The following TRIOBP variants were observed in gnomAD, a reference collection of about 807,000 sequenced individuals.
TRIOBP encodes TRIO and F-actin-binding protein.
Under a neutral mutation model 238.8 loss-of-function variants are expected in TRIOBP, and 169 were observed. The observed-to-expected ratio is 0.71, with a 90% CI of 0.62 to 0.80. The LOEUF is 0.80. Among genes scored for constraint, TRIOBP ranks in the 30% least tolerant of loss-of-function variants. The probability of loss-of-function intolerance (pLI) is 0.00; values close to 1 mark genes in which losing one functional copy is unlikely to be tolerated. For missense variants in TRIOBP, 2,838 were observed against 3,122.6 expected, an observed-to-expected ratio of 0.91 and a Z score of 2.17; for synonymous variants, 1,150 against 1,274.4, an observed-to-expected ratio of 0.90 and a Z score of 2.08.
In TRIOBP at chr22:37,776,170, C is replaced by T. The variant is rs1009726607; in HGVS notation, c.*2390C>T. On this transcript the variant is annotated 3_prime_UTR_variant, in exon 24 of 24. Coordinates refer to ENST00000644935, the MANE Select transcript of TRIOBP (RefSeq NM_001039141.3). The stretch of plus-strand genomic sequence containing the variant: ...CCCTCCCATCCCTCCTCAGGGCTGC[C>T]TAGGGCAGCTACAAAAACCAGGCCA... The T allele has an allele frequency of 1.3e-5, 2 of 152,284 alleles. No individual in the cohort carries two copies. Among genetic ancestry groups the T allele is most frequent in the Non-Finnish European group, 2.9e-5 (2 of 68,104 alleles). 9.4% of individuals were successfully genotyped at this position (152,284 alleles called of 1,614,324 possible). A position where few individuals can be genotyped will look rare whatever the true frequency, so the allele number is the denominator to read the frequency against.
intron 7 of TRIOBP, among the ~76,000 whole-genome samples, chr22:37,732,360 C>T (rs1924465766): frequency 1.3e-5 from 2 of 151,944 alleles, no homozygotes; most frequent in South Asian, 4.2e-4. Context: ...CAACACTTGC[C>T]CAGGGTCAGG....
At chr22:37,744,323 A>G (rs546345144) in intron 11 of TRIOBP, among the ~76,000 whole-genome samples, 3 of 152,206 alleles carry the variant, frequency 2.0e-5, no homozygotes, top group African/African-American at 7.2e-5. Flanking sequence ...AGTGCTGTGC[A>G]TCTCTTTATT....
At chr22:37,765,925 G>A (rs1047074499) in intron 18 of TRIOBP, 108 bp downstream of exon 18, 31 of 1,400,340 alleles carry the variant, frequency 2.2e-5, no homozygotes, top group African/African-American at 1.9e-4. Flanking sequence ...AGGGGTCTCA[G>A]TGCCACATTT....
At chr22:37,765,145 G>T (rs1342430941) in intron 17 of TRIOBP, among the ~76,000 whole-genome samples, 1 of 152,200 alleles carries the variant, frequency 6.6e-6, no homozygotes, top group Non-Finnish European at 1.5e-5. Context: ...GCTGGGCGTG[G>T]TGGTGGGCAC....
At chr22:37,721,353 C>G (rs1923819944) in intron 6 of TRIOBP, among the ~76,000 whole-genome samples, 1 of 152,168 alleles carries the variant, frequency 6.6e-6, no homozygotes, top group Non-Finnish European at 1.5e-5. Flanking sequence ...GCTGGGAACT[C>G]AGACTTTCAC....
rs774177733 is a variant in TRIOBP at position 37,726,446 on chromosome 22, G to A, written c.3890G>A (p.Gly1297Asp). The change falls in exon 7 of 24, where the codon GGC becomes GAC. Residue 1297 changes from glycine (G) to aspartate (D), a missense_variant. By Grantham distance (94) the Gly-to-Asp change is moderately conservative. This residue lies in a region of TRIOBP where 2,096 missense variants were observed against 2,137.4 expected (regional missense o/e 0.98). Transcript: ENST00000644935. ...CCCCAGGCGCAGTGCAGCAGCGGGG[G>A]CCGCACCCACAGCCCTGGCCGTGCA... Reference protein sequence around the residue: ...PGPQAQCSSGGRTHSPGRAEV... With the variant: ...PGPQAQCSSGDRTHSPGRAEV... 14 of 1,572,172 alleles carry A rather than the reference G, an allele frequency of 8.9e-6. No individual in the cohort carries two copies. Among genetic ancestry groups the A allele is most frequent in the South Asian group, 1.1e-5 (1 of 87,298 alleles).
Position 37,725,414 on chromosome 22 carries a change from G to GCAGGC in TRIOBP, c.2862_2866dup (p.Ala956GlyfsTer51). On this transcript the variant is annotated frameshift_variant, in exon 7 of 24. Transcript: ENST00000644935. LOFTEE classifies it high-confidence loss of function. ...GACAGGCCTCAGACATCCTCTCCCA[G>GCAGGC]CAGGCCAGCCCAGCATGACCCACCC... 2 of 1,610,322 alleles carry GCAGGC rather than the reference G, an allele frequency of 1.2e-6. No individual in the cohort carries two copies. Among genetic ancestry groups the GCAGGC allele is most frequent in the Non-Finnish European group, 1.7e-6 (2 of 1,177,690 alleles).
chr22:37,767,383 A>G (rs1926559271), intron 18 of TRIOBP, among the ~76,000 whole-genome samples: 1 of 152,116 alleles, frequency 6.6e-6, no homozygotes. Context: ...GGGTAAAACC[A>G]TGGGTGGCCC....
intron 11 of TRIOBP, among the ~76,000 whole-genome samples, chr22:37,747,371 C>T (rs1464924689): frequency 6.6e-6 from 1 of 151,554 alleles, no homozygotes; most frequent in Admixed American, 6.6e-5. Flanking sequence ...AGTGGCCCTC[C>T]TGGGGGAGGA....
chr22:37,769,770 C>A (rs1926675905), intron 21 of TRIOBP, among the ~76,000 whole-genome samples: 1 of 151,900 alleles, frequency 6.6e-6, no homozygotes. Context: ...TCTCTGTCAC[C>A]CAGGCTGGAG....
chr22:37,725,686 C>T lies in TRIOBP; in HGVS notation c.3130C>T (p.Pro1044Ser), dbSNP rs993212752. Residue 1044 changes from proline to serine, a missense_variant, in exon 7 of 24, where the codon CCC becomes TCC. By Grantham distance (74) the Pro-to-Ser change is moderately conservative. This residue lies in a region of TRIOBP where 2,096 missense variants were observed against 2,137.4 expected (regional missense o/e 0.98). Coordinates refer to ENST00000644935, the MANE Select transcript of TRIOBP (RefSeq NM_001039141.3). ...QHDPFPFFPE[P>S]RAPESEPPHH... ...CGACCCCTTCCCCTTCTTCCCAGAG[C>T]CCCGCGCCCCTGAGAGTGAACCGCC... The T allele has an allele frequency of 1.2e-6, 2 of 1,613,322 alleles. No individual in the cohort carries two copies. The highest frequency in any genetic ancestry group is 1.7e-6 in the Non-Finnish European group (2 of 1,179,858).
chr22:37,706,090 C>A (rs558643375), intron 3 of TRIOBP, among the ~76,000 whole-genome samples: 79 of 152,112 alleles, frequency 5.2e-4, no homozygotes, highest in Non-Finnish European at 1.0e-3. Context: ...TGAGCAGGCA[C>A]GTCTACAGGA....
intron 8 of TRIOBP, 39 bp from the exon 9 acceptor site, chr22:37,734,360 A>C (rs758320847): frequency 6.3e-7 from 1 of 1,581,972 alleles, no homozygotes; most frequent in South Asian, 1.1e-5. Context: ...CCAGGTCCCC[A>C]GAGAGAGAGC....
chr22:37,722,831 C>T (rs1923904208), intron 6 of TRIOBP, among the ~76,000 whole-genome samples: 1 of 152,240 alleles, frequency 6.6e-6, no homozygotes, highest in African/African-American at 2.4e-5. Flanking sequence ...GGGCCCACCT[C>T]TCCCTCCCTG....
At position 37,740,999 on chromosome 22, in the gene TRIOBP, CCTG is replaced by C. The variant is rs1924908426; in HGVS notation, c.5293_5295del (p.Leu1765del). 6.4e-7 allele frequency: 1 copy of C among 1,561,106 alleles called. No individual in the cohort carries two copies. The highest frequency in any genetic ancestry group is 1.4e-5 in the African/African-American group (1 of 73,920). ...ACCGGCCCACGCTGTTCAATCCGTT[CCTG>C]CTGTCTCTGGGGGTCCTCAGGTGGC... is the stretch of plus-strand genomic sequence containing the variant. On this transcript the variant is annotated inframe_deletion, in exon 11 of 24. Coordinates refer to ENST00000644935, the MANE Select transcript of TRIOBP (RefSeq NM_001039141.3).
Position 37,713,318 on chromosome 22 carries a change from C to A in TRIOBP, c.363C>A (p.Ser121=), listed in dbSNP as rs201843208. 258 of 1,614,090 alleles carry A rather than the reference C, an allele frequency of 1.6e-4. No homozygotes were observed. In the African/African-American group the frequency reaches 3.3e-3, roughly 20 times the overall value. ...CCTATCTGGAGGGCCTGACCACTTCCTTGTGTGGCAGCTGCAACGAGGACC... is the reference window on the plus strand; with the variant it reads ...CCTATCTGGAGGGCCTGACCACTTCATTGTGTGGCAGCTGCAACGAGGACC... The part of the protein sequence containing the change: ...AVPYLEGLTT[S]LCGSCNEDPG... The change falls in exon 5 of 24, where the codon TCC becomes TCA. Residue 121 remains serine (S), a synonymous_variant. Transcript: ENST00000644935.
At chr22:37,722,036 T>G (rs776983750) in intron 6 of TRIOBP, among the ~76,000 whole-genome samples, 11 of 152,100 alleles carry the variant, frequency 7.2e-5, no homozygotes, top group Non-Finnish European at 1.5e-4. Context: ...CACCAGACAG[T>G]TTTGTTAAAT....
In TRIOBP at chr22:37,769,274, C is replaced by T. The variant is rs780856649; in HGVS notation, c.6748C>T (p.Arg2250Cys). Residue 2250 changes from arginine to cysteine, a missense_variant, in exon 21 of 24, where the codon CGC (arginine) becomes TGC (cysteine). Arg to Cys is a radical substitution (Grantham distance 180, BLOSUM62 -3). Transcript: ENST00000644935. ...GTGCCTCTCCCAGGAGCTGCATGGCCGCCTGTCAGAGGAGATAGACCAGCT... is the reference window on the plus strand; with the variant it reads ...GTGCCTCTCCCAGGAGCTGCATGGCTGCCTGTCAGAGGAGATAGACCAGCT... Reference protein sequence around the residue: ...LLRHNQELHGRLSEEIDQLRG... With the variant: ...LLRHNQELHGCLSEEIDQLRG... The T allele has an allele frequency of 2.7e-5, 44 of 1,611,080 alleles. No individual in the cohort carries two copies. Among genetic ancestry groups the T allele is most frequent in the Middle Eastern group, 3.3e-4 (2 of 6,048 alleles).
chr22:37,739,000 T>C (rs1413126432), intron 10 of TRIOBP, among the ~76,000 whole-genome samples: 6 of 151,942 alleles, frequency 3.9e-5, no homozygotes, highest in Non-Finnish European at 2.9e-5. Flanking sequence ...CCTGCGCAAA[T>C]GATGGTTTGG....
Sources: gnomAD v4.1 joint callset for allele counts (sites outside exome capture counted in the v4.1 genomes callset) on GRCh38, gnomAD v4.1.1 for gene constraint, gnomAD v4.1.1 regional missense constraint, MANE v1.5 for transcripts, NCBI Gene and HGNC (gene_info 2026-07-23, HGNC 2026-07-21) for gene names.